Variants in CTTNBP2 observed in about 807,000 individuals in gnomAD.
CTTNBP2 encodes the protein cortactin-binding protein 2.
A neutral mutation model predicts 156.9 loss-of-function variants in CTTNBP2; 108 were observed. The ratio of observed to expected loss-of-function variants is 0.69; its 90% CI spans 0.59 to 0.81. The LOEUF (loss-of-function observed/expected upper bound fraction) is 0.81, where lower values mean the gene tolerates loss of function less well. CTTNBP2 is among the 30% of genes least tolerant of loss of function. The pLI, the probability that CTTNBP2 is intolerant of heterozygous loss-of-function variation, is 0.00. For missense variants in CTTNBP2, 1,924 were observed against 2,035.4 expected, an observed-to-expected ratio of 0.95 and a Z score of 1.05; for synonymous variants, 767 against 751.8, an observed-to-expected ratio of 1.02 and a Z score of -0.33.
At chr7:117,836,419 CCAGG>C (rs1801940053) in intron 2 of CTTNBP2, among the ~76,000 whole-genome samples, 1 of 152,124 alleles carries the variant, frequency 6.6e-6, no homozygotes, top group Non-Finnish European at 1.5e-5. Flanking sequence ...AAAAAATTAG[CCAGG>C]CGTGGTGGTG....
At chr7:117,804,570 C>T (rs1002479278) in intron 3 of CTTNBP2, among the ~76,000 whole-genome samples, 1 of 152,162 alleles carries the variant, frequency 6.6e-6, no homozygotes, top group African/African-American at 2.4e-5. Context: ...TACATATACA[C>T]CATGGGATAC....
intron 14 of CTTNBP2, among the ~76,000 whole-genome samples, chr7:117,740,427 GT>G: frequency 6.6e-6 from 1 of 152,262 alleles, no homozygotes; most frequent in South Asian, 2.1e-4. Context: ...GCTGTGCTCA[GT>G]GGAAGACAGA....
At chr7:117,719,210 AAAAAG>A (rs1794639526) in intron 21 of CTTNBP2, among the ~76,000 whole-genome samples, 1 of 152,178 alleles carries the variant, frequency 6.6e-6, no homozygotes, top group Admixed American at 6.5e-5. Flanking sequence ...TCCAAAAATA[AAAAAG>A]AAAAGCTGCC....
chr7:117,756,666 T>A, intron 11 of CTTNBP2, 32 bp from the exon 12 acceptor site: 1 of 1,331,150 alleles, frequency 7.5e-7, no homozygotes, highest in Non-Finnish European at 1.1e-6. Context: ...GAAAAATGGG[T>A]GTTCCCTTGT....
intron 2 of CTTNBP2, among the ~76,000 whole-genome samples, chr7:117,817,060 G>A (rs1039250584): frequency 8.6e-5 from 13 of 151,660 alleles, no homozygotes; most frequent in Non-Finnish European, 1.3e-4. Flanking sequence ...AATTTCGGCC[G>A]GGTGTGGTGG....
chr7:117,804,575 G>A (rs1799821447), intron 3 of CTTNBP2, among the ~76,000 whole-genome samples: 1 of 152,104 alleles, frequency 6.6e-6, no homozygotes, highest in Non-Finnish European at 1.5e-5. Context: ...ATACACCATG[G>A]GATACTATAA....
In CTTNBP2 at chr7:117,746,070, G is replaced by T. The variant is rs574986416; in HGVS notation, c.3378C>A (p.His1126Gln). ...AGTCTTGCAAGCTTCCTTCTGGGCC[G>T]TGGAAAATGACATTATGATATTGCT... The part of the protein sequence containing the change: ...LVEQYHNVIF[H>Q]GPEGSLQDYI... Residue 1126 changes from histidine to glutamine, a missense_variant, in exon 13 of 23, where the codon CAC (histidine) becomes CAA (glutamine). Coordinates refer to ENST00000160373, the MANE Select transcript of CTTNBP2 (RefSeq NM_033427.3). 6.2e-7 allele frequency: 1 copy of T among 1,613,868 alleles called. No homozygotes were observed. Among genetic ancestry groups the T allele is most frequent in the Non-Finnish European group, 8.5e-7 (1 of 1,179,754 alleles).
At chr7:117,803,941 A>G (rs1799774216) in intron 3 of CTTNBP2, among the ~76,000 whole-genome samples, 1 of 152,128 alleles carries the variant, frequency 6.6e-6, no homozygotes, top group South Asian at 2.1e-4. Flanking sequence ...GATGTTCAAA[A>G]GCCTGGCCTT....
chr7:117,864,037 C>T (rs1237385892), intron 1 of CTTNBP2, among the ~76,000 whole-genome samples: 1 of 152,062 alleles, frequency 6.6e-6, no homozygotes, highest in Non-Finnish European at 1.5e-5. Flanking sequence ...AAGCAAAGTG[C>T]TCCATTTTAA....
chr7:117,737,519 G>A (rs1795771201), intron 14 of CTTNBP2, among the ~76,000 whole-genome samples: 1 of 152,194 alleles, frequency 6.6e-6, no homozygotes, highest in South Asian at 2.1e-4. Flanking sequence ...ACAGGTACTG[G>A]ATGCTGAGTG....
At chr7:117,836,494 C>T (rs542558422) in intron 2 of CTTNBP2, among the ~76,000 whole-genome samples, 9 of 152,238 alleles carry the variant, frequency 5.9e-5, no homozygotes, top group East Asian at 1.9e-4. Context: ...AACCCAGAGG[C>T]GGAGCTGGCA....
At chr7:117,845,778 A>G (rs1802545042) in intron 2 of CTTNBP2, among the ~76,000 whole-genome samples, 2 of 152,242 alleles carry the variant, frequency 1.3e-5, no homozygotes, top group Non-Finnish European at 1.5e-5. Flanking sequence ...AAGATGGTGT[A>G]ACGAATGTGA....
Position 117,721,123 on chromosome 7 carries a change from T to G in CTTNBP2, c.4455A>C (p.Lys1485Asn). The change falls in exon 20 of 23, where the codon AAA becomes AAC. Residue 1485 changes from lysine to asparagine, a missense_variant. Physicochemically the swap from Lys to Asn is moderately conservative, Grantham distance 94. Coordinates refer to ENST00000160373, the MANE Select transcript of CTTNBP2 (RefSeq NM_033427.3). ...NKPDLSTEGMKNKTISQLNCN... is the reference protein window; with the variant it reads ...NKPDLSTEGMNNKTISQLNCN... Reference sequence around the variant, plus strand: ...AATTCAGCTGTGATATAGTCTTATTTTTCATACCTGTTAAAAAAGAGAACC... The same window carrying G: ...AATTCAGCTGTGATATAGTCTTATTGTTCATACCTGTTAAAAAAGAGAACC... 1 of 1,588,016 alleles carries G rather than the reference T, an allele frequency of 6.3e-7. No individual in the cohort carries two copies.
At chr7:117,759,642 A>C (rs1406314951) in intron 10 of CTTNBP2, among the ~76,000 whole-genome samples, 1 of 152,178 alleles carries the variant, frequency 6.6e-6, no homozygotes, top group Non-Finnish European at 1.5e-5. Flanking sequence ...GAAAGTACAC[A>C]AGCTTTTCTA....
At chr7:117,766,146 A>C (rs1013572980) in intron 9 of CTTNBP2, among the ~76,000 whole-genome samples, 1 of 152,192 alleles carries the variant, frequency 6.6e-6, no homozygotes, top group East Asian at 1.9e-4. Flanking sequence ...TTAGGTTAGC[A>C]TCAGCTTGTA....
chr7:117,713,494 T>TG (rs1562942318), intron 22 of CTTNBP2, among the ~76,000 whole-genome samples: 2 of 152,182 alleles, frequency 1.3e-5, no homozygotes, highest in African/African-American at 2.4e-5. Flanking sequence ...TAGCAGGAAA[T>TG]CCTCAGTTAT....
intron 1 of CTTNBP2, among the ~76,000 whole-genome samples, chr7:117,862,515 G>A (rs930383658): frequency 2.6e-5 from 4 of 152,052 alleles, no homozygotes; most frequent in African/African-American, 9.7e-5. Flanking sequence ...AGGTTCTCTG[G>A]CATTCGTTTT....
Position 117,724,537 on chromosome 7 carries a change from C to G in CTTNBP2, c.4447+10G>C. The G allele has an allele frequency of 1.2e-6, 2 of 1,604,416 alleles. No individual in the cohort carries two copies. Among genetic ancestry groups the G allele is most frequent in the Non-Finnish European group, 1.7e-6 (2 of 1,175,252 alleles). ...TCCTGGTAGGCAACATGCCTACCCCCGCCCTTTACCTTCAGTGCTTAGGTC... is the reference window on the plus strand; with the variant it reads ...TCCTGGTAGGCAACATGCCTACCCCGGCCCTTTACCTTCAGTGCTTAGGTC... On this transcript the variant is annotated intron_variant, in intron 19 of 22. Coordinates refer to ENST00000160373, the MANE Select transcript of CTTNBP2 (RefSeq NM_033427.3).
At chr7:117,779,958 C>A (rs1402013689) in intron 7 of CTTNBP2, among the ~76,000 whole-genome samples, 3 of 152,082 alleles carry the variant, frequency 2.0e-5, no homozygotes, top group Non-Finnish European at 4.4e-5. Context: ...CGGGGTTTCT[C>A]CATGTTGATC....
Sources: gnomAD v4.1 joint callset for allele counts (sites outside exome capture counted in the v4.1 genomes callset) on GRCh38, gnomAD v4.1.1 for gene constraint, MANE v1.5 for transcripts, NCBI Gene and HGNC (gene_info 2026-07-23, HGNC 2026-07-21) for gene names.